The following STPG2 variants were observed in gnomAD, a reference collection of about 807,000 sequenced individuals.
STPG2 encodes sperm-tail PG-rich repeat-containing protein 2.
A neutral mutation model predicts 54.2 loss-of-function variants in STPG2; 56 were observed. That is an observed-to-expected ratio of 1.03 (90% CI 0.83 to 1.29). STPG2 has a LOEUF of 1.29. Ranked by LOEUF, STPG2 falls within the 50% of genes most tolerant of loss-of-function variation. The pLI, the probability that STPG2 is intolerant of heterozygous loss-of-function variation, is 0.00. For synonymous variants in STPG2, 200 were observed against 181.8 expected, an observed-to-expected ratio of 1.10 and a Z score of -0.81; for missense variants, 596 against 544.9, an observed-to-expected ratio of 1.09 and a Z score of -0.93.
intron 9 of STPG2, among the ~76,000 whole-genome samples, chr4:97,755,898 C>T (rs1267264437): frequency 6.6e-6 from 1 of 152,142 alleles, no homozygotes; most frequent in South Asian, 2.1e-4. Flanking sequence ...GAAAAATTCT[C>T]TAAAGAGTTA....
At chr4:97,938,709 G>GCCCCTTA (rs1336552621) in intron 8 of STPG2, among the ~76,000 whole-genome samples, 1 of 152,154 alleles carries the variant, frequency 6.6e-6, no homozygotes, top group African/African-American at 2.4e-5. Flanking sequence ...TGCTGGAGGT[G>GCCCCTTA]CCCCTTACCC....
At chr4:97,694,370 C>T (rs1023077974) in intron 10 of STPG2, among the ~76,000 whole-genome samples, 1 of 151,956 alleles carries the variant, frequency 6.6e-6, no homozygotes, top group Middle Eastern at 3.4e-3. Context: ...AAAAATCATT[C>T]AAGGCTGCTA....
In STPG2 at chr4:97,741,177, T is replaced by C. The variant is rs1378718790; in HGVS notation, c.1205-28363A>G. Among the ~76,000 whole-genome samples, 4 of 152,266 alleles carry C rather than the reference T, an allele frequency of 2.6e-5. No individual in the cohort carries two copies. The East Asian group carries it at 7.7e-4, about 29-fold the overall frequency. On this transcript the variant is annotated intron_variant, in intron 9 of 10. Coordinates refer to ENST00000295268, the MANE Select transcript of STPG2 (RefSeq NM_174952.3). The stretch of plus-strand genomic sequence containing the variant: ...CTAGCCATATGTAGAAAGCTGAAAC[T>C]GGATCCCTTCCTTACACCTTATACA...
intron 4 of STPG2, among the ~76,000 whole-genome samples, chr4:97,534,170 T>C (rs1050757851): frequency 6.6e-6 from 1 of 152,140 alleles, no homozygotes. Context: ...ATATTGAGCA[T>C]CATTTCATAT....
rs1731419990 is a variant in STPG2, at chr4:97,531,782, G to A, written c.462+180917C>T. Among the ~76,000 whole-genome samples, 3 of 152,104 alleles carry A rather than the reference G, an allele frequency of 2.0e-5. No individual in the cohort carries two copies. In the South Asian group the frequency reaches 6.2e-4, roughly 32 times the overall value. Reference sequence around the variant, plus strand: ...GTACAAAAATAGAAAGGAGTAATATGTGCTATTTGATAGCACAACAGTGTG... The same window carrying A: ...GTACAAAAATAGAAAGGAGTAATATATGCTATTTGATAGCACAACAGTGTG... On this transcript the variant is annotated intron_variant, in intron 4 of 4. Transcript: ENST00000522676.
chr4:97,950,769 T>A (rs1341245998), intron 7 of STPG2, among the ~76,000 whole-genome samples: 2 of 152,308 alleles, frequency 1.3e-5, no homozygotes, highest in East Asian at 3.9e-4. Context: ...AGTTTATAGT[T>A]TAACTTTGAA....
chr4:97,984,582 A>C (rs1734773845), intron 5 of STPG2, among the ~76,000 whole-genome samples: 1 of 152,210 alleles, frequency 6.6e-6, no homozygotes, highest in African/African-American at 2.4e-5. Context: ...CATTCATTTG[A>C]AATAAAACTG....
chr4:97,715,307 G>A (rs1407054052), intron 9 of STPG2, among the ~76,000 whole-genome samples: 6 of 152,040 alleles, frequency 3.9e-5, no homozygotes, highest in Non-Finnish European at 8.8e-5. Context: ...AGGTAATAAG[G>A]AAGAAAACTT....
intron 8 of STPG2, among the ~76,000 whole-genome samples, chr4:97,865,858 A>T (rs1030519478): frequency 1.3e-5 from 2 of 151,802 alleles, no homozygotes; most frequent in Non-Finnish European, 2.9e-5. Flanking sequence ...ATAAAAATAT[A>T]TATATATTTA....
At chr4:97,612,985 C>T (rs887652095) in intron 10 of STPG2, among the ~76,000 whole-genome samples, 5 of 151,880 alleles carry the variant, frequency 3.3e-5, no homozygotes, top group African/African-American at 1.2e-4. Context: ...TTTTTAATAA[C>T]TTTAAATTCA....
intron 1 of STPG2, among the ~76,000 whole-genome samples, chr4:98,138,434 A>G (rs1320846004): frequency 6.6e-6 from 1 of 152,122 alleles, no homozygotes; most frequent in Non-Finnish European, 1.5e-5. Flanking sequence ...CCAACAGAGG[A>G]AGATAAATCA....
intron 5 of STPG2, among the ~76,000 whole-genome samples, chr4:98,002,257 T>A (rs1735434972): frequency 6.6e-6 from 1 of 152,106 alleles, no homozygotes; most frequent in African/African-American, 2.4e-5. Flanking sequence ...CATATTTATT[T>A]AAGTAAATTA....
chr4:97,634,316 G>C (rs1455618914), intron 10 of STPG2, among the ~76,000 whole-genome samples: 1 of 152,026 alleles, frequency 6.6e-6, no homozygotes, highest in Non-Finnish European at 1.5e-5. Context: ...AAACAGAAAG[G>C]ACATCCACAC....
chr4:97,620,469 T>C (rs977331337), intron 10 of STPG2, among the ~76,000 whole-genome samples: 3 of 152,184 alleles, frequency 2.0e-5, no homozygotes, highest in East Asian at 1.9e-4. Flanking sequence ...ACTTGAAGAA[T>C]GTTTTTTTCA....
Position 97,703,780 on chromosome 4 carries a change from G to T in STPG2, c.1320+8919C>A, listed in dbSNP as rs186820999. ...GTATATTAGCATAGTATATTTGTGT[G>T]TGTGTGTATATATATGTGTGTGTGT... On this transcript the variant is annotated intron_variant, in intron 10 of 10. Transcript: ENST00000295268. Among the ~76,000 whole-genome samples the T allele has an allele frequency of 2.1e-3, 311 of 146,512 alleles. 1 individual carries two copies. The highest frequency in any genetic ancestry group is 3.9e-3 in the Non-Finnish European group (262 of 67,080).
intron 10 of STPG2, among the ~76,000 whole-genome samples, chr4:97,632,457 T>G (rs145062064): frequency 0.011 from 1,649 of 152,206 alleles, 48 homozygotes; most frequent in Admixed American, 0.015. Context: ...TATTTACTCA[T>G]AATGTGAGAA....
chr4:97,798,320 A>G (rs1005652461), intron 9 of STPG2, among the ~76,000 whole-genome samples: 18 of 152,064 alleles, frequency 1.2e-4, no homozygotes, highest in African/African-American at 3.6e-4. Flanking sequence ...GTGGGCATAT[A>G]GTGCTATAAA....
At chr4:97,637,437 C>G (rs1721595180) in intron 10 of STPG2, among the ~76,000 whole-genome samples, 1 of 152,218 alleles carries the variant, frequency 6.6e-6, no homozygotes, top group Admixed American at 6.5e-5. Context: ...TGGCACAAGA[C>G]AGGGATGCCC....
At chr4:97,943,237 A>G (rs1733059671) in intron 8 of STPG2, among the ~76,000 whole-genome samples, 1 of 152,160 alleles carries the variant, frequency 6.6e-6, no homozygotes, top group Non-Finnish European at 1.5e-5. Flanking sequence ...TCCTAATACC[A>G]TCACCTTGGG....
Sources: allele counts gnomAD v4.1 joint callset (sites outside exome capture counted in the v4.1 genomes callset), GRCh38; gene constraint gnomAD v4.1.1; transcripts MANE v1.5; gene names NCBI Gene and HGNC (gene_info 2026-07-23, HGNC 2026-07-21).